VMP1: variants seen among roughly 807,000 people sequenced by gnomAD.
VMP1 encodes ectopic P-granules autophagy protein 3 homolog.
In VMP1, 11 loss-of-function variants were observed where a neutral mutation model predicts 56.0. That is an observed-to-expected ratio of 0.20 (90% CI 0.12 to 0.32). The LOEUF is 0.32. VMP1 is among the 10% of genes least tolerant of loss of function. The probability of loss-of-function intolerance (pLI) is 1.00; values close to 1 mark genes in which losing one functional copy is unlikely to be tolerated. For synonymous variants in VMP1, 149 were observed against 165.0 expected, an observed-to-expected ratio of 0.90 and a Z score of 0.74; for missense variants, 296 against 490.3, an observed-to-expected ratio of 0.60 and a Z score of 3.74.
At chr17:59,719,234 G>C (rs148954999) in intron 1 of VMP1, among the ~76,000 whole-genome samples, 258 of 152,182 alleles carry the variant, frequency 1.7e-3, no homozygotes, top group Non-Finnish European at 3.0e-3. Context: ...CCAGAGCATC[G>C]CTTGAGCCCA....
chr17:59,735,602 G>A (rs141566018), intron 3 of VMP1, 129 bp downstream of exon 3: 2 of 980,158 alleles, frequency 2.0e-6, no homozygotes, highest in African/African-American at 3.3e-5. Context: ...TATTACCATA[G>A]GAACATATTT....
chr17:59,758,797 GA>G (rs1016700300), intron 5 of VMP1, among the ~76,000 whole-genome samples: 1 of 151,456 alleles, frequency 6.6e-6, no homozygotes, highest in African/African-American at 2.4e-5. Flanking sequence ...TACAAATAAT[GA>G]AAAAAAATTA....
intron 2 of VMP1, among the ~76,000 whole-genome samples, chr17:59,734,608 C>CTG (rs2034950487): frequency 1.3e-5 from 2 of 152,124 alleles, no homozygotes; most frequent in Non-Finnish European, 2.9e-5. Flanking sequence ...TGGTACACAC[C>CTG]TGTAGTCCTA....
chr17:59,821,203 C>G (rs1004878965), intron 10 of VMP1, among the ~76,000 whole-genome samples: 1 of 152,002 alleles, frequency 6.6e-6, no homozygotes, highest in Non-Finnish European at 1.5e-5. Flanking sequence ...ATCTCCTGAC[C>G]TCATGATCCG....
At position 59,737,499 on chromosome 17, in the gene VMP1, G is replaced by C. The variant is rs746935995; in HGVS notation, c.259G>C (p.Ala87Pro). The change falls in exon 4 of 12, where the codon GCT becomes CCT. Residue 87 changes from alanine (A) to proline (P), a missense_variant. Around this residue, in one of 4 missense-constraint regions of VMP1, gnomAD observed 126 missense variants for 231.6 expected, o/e 0.54. Transcript: ENST00000262291. ...SIVVSFLLLLAVLIATYYVEG... is the reference protein window; with the variant it reads ...SIVVSFLLLLPVLIATYYVEG... ...TGTGGTGTCTTTTTTACTGCTGCTT[G>C]CTGTGCTTATAGCTACGTATTATGT... 4 of 1,611,852 alleles carry C rather than the reference G, an allele frequency of 2.5e-6. No individual in the cohort carries two copies. Among genetic ancestry groups the C allele is most frequent in the Non-Finnish European group, 2.5e-6 (3 of 1,179,144 alleles).
intron 10 of VMP1, among the ~76,000 whole-genome samples, chr17:59,833,122 A>T (rs546775893): frequency 6.6e-6 from 1 of 152,168 alleles, no homozygotes; most frequent in South Asian, 2.1e-4. Flanking sequence ...CCGTGTGTGC[A>T]CTTTAAATTA....
chr17:59,710,103 A>AGGAGAATGGCGCGAACCCAGGAGGC, intron 1 of VMP1, among the ~76,000 whole-genome samples: 1 of 152,236 alleles, frequency 6.6e-6, no homozygotes, highest in South Asian at 2.1e-4. Flanking sequence ...AGGCTGAGGC[A>AGGAGAATGGCGCGAACCCAGGAGGC]GGAGAATGGC....
chr17:59,821,694 A>C (rs1270072468), intron 10 of VMP1, among the ~76,000 whole-genome samples: 1 of 151,784 alleles, frequency 6.6e-6, no homozygotes, highest in African/African-American at 2.4e-5. Context: ...CTGGGATTAT[A>C]GGCATGTGCC....
At chr17:59,783,020 C>T (rs113797688) in intron 7 of VMP1, among the ~76,000 whole-genome samples, 6,757 of 151,990 alleles carry the variant, frequency 0.044, 490 homozygotes, top group African/African-American at 0.15. Flanking sequence ...ATGGTGAAAC[C>T]CCGTCTCCAC....
At chr17:59,713,988 C>T (rs2034044306) in intron 1 of VMP1, among the ~76,000 whole-genome samples, 2 of 148,340 alleles carry the variant, frequency 1.3e-5, no homozygotes, top group Non-Finnish European at 3.0e-5. Flanking sequence ...TTGCAGTGAG[C>T]CAAGATCGTG....
intron 5 of VMP1, among the ~76,000 whole-genome samples, chr17:59,751,739 C>T (rs576128264): frequency 1.1e-3 from 129 of 115,444 alleles, no homozygotes; most frequent in South Asian, 4.6e-3. Flanking sequence ...AGCAAAACTC[C>T]GTCTCAAAAA....
intron 1 of VMP1, among the ~76,000 whole-genome samples, chr17:59,717,118 T>C (rs2034188740): frequency 6.6e-6 from 1 of 152,098 alleles, no homozygotes; most frequent in Non-Finnish European, 1.5e-5. Flanking sequence ...TAGCTGGGAC[T>C]ACTGGCGCCC....
At chr17:59,723,606 G>A (rs1312016624) in intron 1 of VMP1, among the ~76,000 whole-genome samples, 2 of 152,166 alleles carry the variant, frequency 1.3e-5, no homozygotes, top group Non-Finnish European at 2.9e-5. Context: ...TGAGTAAGTG[G>A]AGCCTGTATA....
intron 7 of VMP1, among the ~76,000 whole-genome samples, chr17:59,805,193 T>C (rs2144194299): frequency 6.6e-6 from 1 of 152,332 alleles, no homozygotes; most frequent in South Asian, 2.1e-4. Context: ...AAAAGATTGT[T>C]GAAGCTCCCT....
At chr17:59,804,886 G>T (rs1049671661) in intron 7 of VMP1, among the ~76,000 whole-genome samples, 9 of 152,024 alleles carry the variant, frequency 5.9e-5, no homozygotes, top group Non-Finnish European at 1.0e-4. Context: ...GTAAATGTTT[G>T]TAGATTATTT....
intron 5 of VMP1, among the ~76,000 whole-genome samples, chr17:59,753,561 T>C (rs2035732094): frequency 6.6e-6 from 1 of 152,202 alleles, no homozygotes; most frequent in Non-Finnish European, 1.5e-5. Context: ...CTGTTCTTAA[T>C]AGCAAAGGAG....
At chr17:59,773,995 A>C in intron 7 of VMP1, 110 bp downstream of exon 7, 1 of 1,121,162 alleles carries the variant, frequency 8.9e-7, no homozygotes, top group Middle Eastern at 3.2e-4. Context: ...AAGTAAAAAA[A>C]AAAAAAAGAA....
intron 7 of VMP1, among the ~76,000 whole-genome samples, chr17:59,792,042 T>A (rs116190129): frequency 0.013 from 1,953 of 152,110 alleles, 36 homozygotes; most frequent in African/African-American, 0.044. Context: ...GATACTGAGG[T>A]AGGAGGATCA....
chr17:59,804,616 A>AC (rs1397757010), intron 7 of VMP1, among the ~76,000 whole-genome samples: 1 of 25,456 alleles, frequency 3.9e-5, no homozygotes, highest in Non-Finnish European at 9.6e-5. Context: ...GACTCCAGCT[A>AC]AAAAAAAAAA....
Sources: gnomAD v4.1 joint callset for allele counts (sites outside exome capture counted in the v4.1 genomes callset) on GRCh38, gnomAD v4.1.1 for gene constraint, gnomAD v4.1.1 regional missense constraint, MANE v1.5 for transcripts, NCBI Gene and HGNC (gene_info 2026-07-23, HGNC 2026-07-21) for gene names.